WDR1: variants seen among roughly 807,000 people sequenced by gnomAD.
The protein encoded by WDR1 is WD repeat domain 1.
Under a neutral mutation model 71.9 loss-of-function variants are expected in WDR1, and 21 were observed. That is an observed-to-expected ratio of 0.29 (90% CI 0.21 to 0.42). The LOEUF (loss-of-function observed/expected upper bound fraction) is 0.42. Among genes scored for constraint, WDR1 ranks in the 10% least tolerant of loss-of-function variants. The pLI, the probability that WDR1 is intolerant of heterozygous loss-of-function variation, is 1.00. For missense variants in WDR1, 696 were observed against 824.5 expected (o/e 0.84, Z 1.91); for synonymous variants, 424 against 347.4 (o/e 1.22, Z -2.45).
chr4:10,085,490 T>G (rs1442008544), intron 8 of WDR1, among the ~76,000 whole-genome samples: 2 of 152,152 alleles, frequency 1.3e-5, no homozygotes, highest in Non-Finnish European at 2.9e-5. Context: ...CAATGTGGCA[T>G]CCCACCAGTC....
chr4:10,100,391 C>A (rs183031127), intron 3 of WDR1, among the ~76,000 whole-genome samples: 2 of 152,168 alleles, frequency 1.3e-5, no homozygotes, highest in East Asian at 3.9e-4. Context: ...TTAACACGTG[C>A]GAAGTCTCCA....
At chr4:10,102,484 C>G (rs1156641126) in intron 3 of WDR1, among the ~76,000 whole-genome samples, 1 of 152,242 alleles carries the variant, frequency 6.6e-6, no homozygotes, top group Non-Finnish European at 1.5e-5. Context: ...AGCCCCTCTT[C>G]TTCTCTCACC....
chr4:10,086,770 T>A (rs1356941086), intron 8 of WDR1, among the ~76,000 whole-genome samples: 1 of 152,126 alleles, frequency 6.6e-6, no homozygotes, highest in African/African-American at 2.4e-5. Context: ...TGGGATGAAG[T>A]GCATTGTCCA....
At chr4:10,115,937 G>C in intron 2 of WDR1, 176 bp downstream of exon 2, 1 of 762,252 alleles carries the variant, frequency 1.3e-6, no homozygotes, top group Non-Finnish European at 2.1e-6. Context: ...ACAAGGACCT[G>C]GGTGAATCTG....
At chr4:10,076,790 G>C (rs927238651) in intron 14 of WDR1, 7 of 153,462 alleles carry the variant, frequency 4.6e-5, no homozygotes, top group African/African-American at 1.7e-4. Flanking sequence ...GGGGAGGGGA[G>C]GGTTTGGACA....
chr4:10,103,201 A>G (rs1207002535), intron 3 of WDR1, among the ~76,000 whole-genome samples: 3 of 152,076 alleles, frequency 2.0e-5, no homozygotes, highest in African/African-American at 7.2e-5. Context: ...GGAGGCCAGC[A>G]TTGTGGTAGC....
At chr4:10,109,160 C>T (rs139824690) in intron 2 of WDR1, among the ~76,000 whole-genome samples, 2 of 152,380 alleles carry the variant, frequency 1.3e-5, no homozygotes, top group Non-Finnish European at 2.9e-5. Context: ...ACCTCATAAT[C>T]CCACATGACA....
At chr4:10,111,724 A>G (rs1431636357) in intron 2 of WDR1, among the ~76,000 whole-genome samples, 2 of 152,002 alleles carry the variant, frequency 1.3e-5, no homozygotes, top group African/African-American at 4.8e-5. Context: ...CGCAGGAAAC[A>G]CAGGTGAGTC....
intron 8 of WDR1, among the ~76,000 whole-genome samples, chr4:10,087,286 C>T (rs1711643814): frequency 6.6e-6 from 1 of 152,264 alleles, no homozygotes; most frequent in East Asian, 1.9e-4. Context: ...CCCTCCTGCC[C>T]CTGGACCTCA....
chr4:10,101,974 T>A (rs1712708108), intron 3 of WDR1, among the ~76,000 whole-genome samples: 1 of 152,252 alleles, frequency 6.6e-6, no homozygotes, highest in Admixed American at 6.5e-5. Context: ...GAGCATGTTT[T>A]ACAGATGGAG....
At position 10,116,190 on chromosome 4, in the gene WDR1, T is replaced by C; in HGVS notation, c.61A>G (p.Lys21Glu). The change falls in exon 2 of 15, where the codon AAG becomes GAG. Residue 21 changes from lysine to glutamate, a missense_variant. Physicochemically the swap from Lys to Glu is moderately conservative, Grantham distance 56. Transcript: ENST00000499869. ...SLPQVERGVS[K>E]IIGGDPKGNN... ...CCCTTAGGGTCGCCGCCGATGATCT[T>C]GGAGACGCCCCTCTCCACCTGCGGG... The C allele has an allele frequency of 1.9e-6, 3 of 1,613,714 alleles. No individual in the cohort carries two copies. The highest frequency in any genetic ancestry group is 2.5e-6 in the Non-Finnish European group (3 of 1,179,816).
At chr4:10,096,649 C>G (rs2109674270) in intron 5 of WDR1, 1 of 152,432 alleles carries the variant, frequency 6.6e-6, no homozygotes, top group African/African-American at 2.4e-5. Context: ...GGGTCCCGTC[C>G]TCGCCCTTTC....
At chr4:10,112,381 T>A (rs1051362446) in intron 2 of WDR1, among the ~76,000 whole-genome samples, 1 of 152,104 alleles carries the variant, frequency 6.6e-6, no homozygotes, top group African/African-American at 2.4e-5. Flanking sequence ...ACAGTGTACA[T>A]ATGGTTCACT....
chr4:10,111,293 A>G (rs1713345302), intron 2 of WDR1, among the ~76,000 whole-genome samples: 2 of 152,160 alleles, frequency 1.3e-5, no homozygotes, highest in South Asian at 4.1e-4. Flanking sequence ...GTAACAGCCC[A>G]TAAGCACCCG....
chr4:10,103,884 C>G lies in WDR1; in HGVS notation c.229+12G>C. ...CCCACAGGTGTCCACGAGCCTTGCC[C>G]CCATACAGTACCTCCGGAGGCAATG... On this transcript the variant is annotated intron_variant, in intron 3 of 14. Transcript: ENST00000499869. The G allele has an allele frequency of 6.4e-7, 1 of 1,571,664 alleles. No homozygotes were observed. Among genetic ancestry groups the G allele is most frequent in the Non-Finnish European group, 8.6e-7 (1 of 1,159,122 alleles).
intron 2 of WDR1, among the ~76,000 whole-genome samples, chr4:10,114,230 G>C (rs959805440): frequency 1.3e-5 from 2 of 152,190 alleles, no homozygotes; most frequent in African/African-American, 4.8e-5. Flanking sequence ...AAGGGAAACA[G>C]GGTAACCCCT....
rs1463400678 is a variant in WDR1 at position 10,107,747 on chromosome 4, C to T, written c.139-3761G>A. 3.9e-5 allele frequency among the ~76,000 whole-genome samples: 6 copies of T among 152,160 alleles called. No individual in the cohort carries two copies. In the South Asian group the frequency reaches 1.2e-3, roughly 32 times the overall value. On this transcript the variant is annotated intron_variant, in intron 2 of 14. Coordinates refer to ENST00000499869, the MANE Select transcript of WDR1 (RefSeq NM_017491.5). Reference sequence around the variant, plus strand: ...ACCACCCCTGGAGGAGTCCGGGGGCCTCTGAGGACATGAAGGACACCAGCC... The same window carrying T: ...ACCACCCCTGGAGGAGTCCGGGGGCTTCTGAGGACATGAAGGACACCAGCC...
Position 10,079,021 on chromosome 4 carries a change from C to T in WDR1, c.1285-20G>A. 4 of 1,577,554 alleles carry T rather than the reference C, an allele frequency of 2.5e-6. No homozygotes were observed. The highest frequency in any genetic ancestry group is 2.6e-6 in the Non-Finnish European group (3 of 1,157,472). ...GACAATCTGTGGCACACACAGGCAG[C>T]TGGTCAGGCGGTCCAGCCCTTCGGG... is the stretch of plus-strand genomic sequence containing the variant. On this transcript the variant is annotated intron_variant, in intron 11 of 14. Transcript: ENST00000499869.
At chr4:10,085,275 G>A (rs1230432569) in intron 8 of WDR1, among the ~76,000 whole-genome samples, 1 of 152,252 alleles carries the variant, frequency 6.6e-6, no homozygotes. Flanking sequence ...TTTTCCGCAG[G>A]AATTCTTGAT....
Sources: gnomAD v4.1 joint callset for allele counts (sites outside exome capture counted in the v4.1 genomes callset) on GRCh38, gnomAD v4.1.1 for gene constraint, MANE v1.5 for transcripts, NCBI Gene and HGNC (gene_info 2026-07-23, HGNC 2026-07-21) for gene names.